The following TBC1D19 variants were observed in gnomAD, a reference collection of about 807,000 sequenced individuals.
TBC1D19 encodes TBC1 domain family, member 19.
Under a neutral mutation model 89.0 loss-of-function variants are expected in TBC1D19, and 60 were observed. That is an observed-to-expected ratio of 0.67 (90% confidence interval 0.55 to 0.84). The LOEUF (loss-of-function observed/expected upper bound fraction) is 0.84. Among genes scored for constraint, TBC1D19 ranks in the 40% least tolerant of loss-of-function variants. The pLI is 0.00. For missense variants in TBC1D19, 500 were observed against 610.8 expected (o/e 0.82, Z 1.91); for synonymous variants, 189 against 199.7 (o/e 0.95, Z 0.45).
rs1213570058 is a variant in TBC1D19 at position 26,659,664 on chromosome 4, G to A, written c.548G>A (p.Gly183Asp). 4.4e-6 allele frequency: 7 copies of A among 1,592,850 alleles called. No individual in the cohort carries two copies. The highest frequency in any genetic ancestry group is 6.0e-6 in the Non-Finnish European group (7 of 1,165,174). ...TCTCTTAGTTTCAGGACTCATTTGG[G>A]TTTAATTCAAGTTCCACTGAAAGTA... ...GDSLSFRTHL[G>D]LIQVPLKVKD... Residue 183 changes from glycine (G) to aspartate (D), a missense_variant, in exon 8 of 21, where the codon GGT (glycine) becomes GAT (aspartate). Coordinates refer to ENST00000264866, the MANE Select transcript of TBC1D19 (RefSeq NM_018317.4).
chr4:26,763,197 C>T, the TBC1D19 span, among the ~76,000 whole-genome samples: 1 of 152,014 alleles, frequency 6.6e-6, no homozygotes, highest in East Asian at 1.9e-4. Flanking sequence ...ATTCTAAGAC[C>T]TCCCAACCAT....
At position 26,618,585 on chromosome 4, in the gene TBC1D19, C is replaced by T. The variant is rs577664984; in HGVS notation, c.219-2028C>T. On this transcript the variant is annotated intron_variant, in intron 3 of 20. Coordinates refer to ENST00000264866, the MANE Select transcript of TBC1D19 (RefSeq NM_018317.4). The stretch of plus-strand genomic sequence containing the variant: ...ACTGGATCCTAAAAGCATTTGGGTG[C>T]CATTTAAAAATTGTAAGTAAAATAG... 8.9e-4 allele frequency among the ~76,000 whole-genome samples: 136 copies of T among 152,142 alleles called. No homozygotes were observed. The Middle Eastern group carries it at 0.017, about 19-fold the overall frequency.
At chr4:26,827,355 A>G in the TBC1D19 span, among the ~76,000 whole-genome samples, 8 of 152,214 alleles carry the variant, frequency 5.3e-5, no homozygotes. Context: ...CTGCAATCCA[A>G]TCATTTTGGG....
chr4:26,810,415 C>T, the TBC1D19 span, among the ~76,000 whole-genome samples: 9 of 152,144 alleles, frequency 5.9e-5, no homozygotes, highest in African/African-American at 1.9e-4. Context: ...TTACAAGGCA[C>T]CATGGACTAA....
At chr4:26,704,881 C>A (rs1175355546) in intron 13 of TBC1D19, among the ~76,000 whole-genome samples, 2 of 152,084 alleles carry the variant, frequency 1.3e-5, no homozygotes, top group Non-Finnish European at 2.9e-5. Flanking sequence ...TATATTCCAA[C>A]AATAGTGTAC....
At chr4:26,646,471 C>A (rs367742961) in intron 7 of TBC1D19, among the ~76,000 whole-genome samples, 40 of 152,218 alleles carry the variant, frequency 2.6e-4, no homozygotes, top group African/African-American at 9.6e-4. Flanking sequence ...GGTATATACC[C>A]AAAGAATTGT....
chr4:26,714,716 T>C (rs1222557153), intron 13 of TBC1D19, among the ~76,000 whole-genome samples: 2 of 152,092 alleles, frequency 1.3e-5, no homozygotes, highest in South Asian at 2.1e-4. Flanking sequence ...ATTAGAACTA[T>C]AGAGATTCAG....
At chr4:26,802,210 C>A in the TBC1D19 span, among the ~76,000 whole-genome samples, 1 of 152,168 alleles carries the variant, frequency 6.6e-6, no homozygotes, top group Non-Finnish European at 1.5e-5. Context: ...TGAGTATCAT[C>A]TACATGGGAA....
chr4:26,844,890 C>A, the TBC1D19 span, among the ~76,000 whole-genome samples: 1 of 152,178 alleles, frequency 6.6e-6, no homozygotes, highest in Non-Finnish European at 1.5e-5. Context: ...TTATAAACCA[C>A]AGTTCAGATT....
At chr4:26,631,613 G>A (rs775039404) in intron 4 of TBC1D19, among the ~76,000 whole-genome samples, 2 of 151,792 alleles carry the variant, frequency 1.3e-5, no homozygotes, top group Non-Finnish European at 2.9e-5. Context: ...TCTCTGTTCC[G>A]GGTCATTTCT....
At chr4:26,582,084 C>T (rs1425729542), upstream of TBC1D19, among the ~76,000 whole-genome samples, 1 of 151,866 alleles carries the variant, frequency 6.6e-6, no homozygotes, top group Non-Finnish European at 1.5e-5. Context: ...AAGTCTCCAT[C>T]TGTGCAAGGA....
chr4:26,732,639 T>G (rs957475780), intron 15 of TBC1D19, among the ~76,000 whole-genome samples: 5 of 152,208 alleles, frequency 3.3e-5, no homozygotes, highest in African/African-American at 1.2e-4. Flanking sequence ...CACATTTTGC[T>G]GGCCACAAAC....
the TBC1D19 span, among the ~76,000 whole-genome samples, chr4:26,805,793 C>T: frequency 5.3e-5 from 8 of 152,086 alleles, no homozygotes; most frequent in African/African-American, 1.9e-4. Context: ...GTCAGGAGTT[C>T]GAGACCAGCC....
At chr4:26,774,481 G>A in the TBC1D19 span, among the ~76,000 whole-genome samples, 1 of 152,070 alleles carries the variant, frequency 6.6e-6, no homozygotes, top group Non-Finnish European at 1.5e-5. Context: ...ATGTTGTCAT[G>A]GTATATCTCT....
chr4:26,826,635 A>T, the TBC1D19 span, among the ~76,000 whole-genome samples: 1 of 152,168 alleles, frequency 6.6e-6, no homozygotes, highest in African/African-American at 2.4e-5. Flanking sequence ...ATTTTGTTAG[A>T]TTGAGTTTAG....
chr4:26,840,440 AC>A, the TBC1D19 span, among the ~76,000 whole-genome samples: 4 of 151,916 alleles, frequency 2.6e-5, no homozygotes. Context: ...AGTAGACATC[AC>A]TGTAGACCTC....
Position 26,687,544 on chromosome 4 carries a change from T to C in TBC1D19, c.892-801T>C, listed in dbSNP as rs114112716. 5.4e-3 allele frequency among the ~76,000 whole-genome samples: 819 copies of C among 152,280 alleles called. 7 individuals carry two copies. Among genetic ancestry groups the C allele is most frequent in the African/African-American group, 0.019 (796 of 41,566 alleles). On this transcript the variant is annotated intron_variant, in intron 12 of 20. Transcript: ENST00000264866. ...TCTAGACTTTTGTTCATTTGTTTGCTTGTTATTGGAGGGGTACCTATATAC... is the reference window on the plus strand; with the variant it reads ...TCTAGACTTTTGTTCATTTGTTTGCCTGTTATTGGAGGGGTACCTATATAC...
chr4:26,709,064 G>C (rs895707868), intron 13 of TBC1D19, among the ~76,000 whole-genome samples: 8 of 151,658 alleles, frequency 5.3e-5, no homozygotes, highest in African/African-American at 1.2e-4. Context: ...TGTTGAAAAA[G>C]GGACATATAA....
the TBC1D19 span, among the ~76,000 whole-genome samples, chr4:26,802,099 G>A: frequency 2.6e-5 from 4 of 152,058 alleles, no homozygotes; most frequent in Admixed American, 2.0e-4. Flanking sequence ...CCATCCCATA[G>A]GAACAAAAGC....
Sources: allele counts gnomAD v4.1 joint callset (sites outside exome capture counted in the v4.1 genomes callset), GRCh38; gene constraint gnomAD v4.1.1; transcripts MANE v1.5; gene names NCBI Gene and HGNC (gene_info 2026-07-23, HGNC 2026-07-21).